The following MBD5 variants were observed in gnomAD, a reference collection of about 807,000 sequenced individuals.
MBD5 encodes the protein methyl-CpG-binding domain protein 5.
In MBD5, 13 loss-of-function variants were observed where a neutral mutation model predicts 117.3. The ratio of observed to expected loss-of-function variants is 0.11; its 90% confidence interval spans 0.07 to 0.18. The LOEUF (loss-of-function observed/expected upper bound fraction) is 0.18. Ranked by LOEUF, MBD5 falls within the 10% of genes least tolerant of loss-of-function variation. The pLI is 1.00. For synonymous variants in MBD5, 727 were observed against 766.4 expected (o/e 0.95, Z 0.85); for missense variants, 1,879 against 2,093.8 (o/e 0.90, Z 2.00).
At chr2:148,051,604 A>AGAGT (rs1553467167) in intron 1 of MBD5, among the ~76,000 whole-genome samples, 1 of 139,156 alleles carries the variant, frequency 7.2e-6, no homozygotes. Context: ...CTGTTTGTTG[A>AGAGT]GTGTGTGTGT....
intron 1 of MBD5, chr2:148,028,001 T>C (rs1001407328): frequency 5.9e-5 from 9 of 152,094 alleles, no homozygotes; most frequent in African/African-American, 1.9e-4. Context: ...TTCTATGTCA[T>C]GTAAGATGTC....
chr2:148,474,948 C>T (rs1278159597), intron 8 of MBD5, among the ~76,000 whole-genome samples: 4 of 152,010 alleles, frequency 2.6e-5, no homozygotes, highest in Non-Finnish European at 5.9e-5. Flanking sequence ...GTTGTCATCC[C>T]TGTTTTTTCT....
At chr2:148,073,087 G>GT (rs891197591) in intron 1 of MBD5, among the ~76,000 whole-genome samples, 4 of 151,984 alleles carry the variant, frequency 2.6e-5, no homozygotes, top group African/African-American at 9.7e-5. Flanking sequence ...AATATTTCAG[G>GT]TTTTTTTGTA....
chr2:148,470,689 T>A, intron 8 of MBD5: 1 of 528,760 alleles, frequency 1.9e-6, no homozygotes. Context: ...GTTGTCAATC[T>A]GTGTCATTTT....
chr2:148,152,408 A>G (rs1054231651), intron 1 of MBD5, among the ~76,000 whole-genome samples: 2 of 152,088 alleles, frequency 1.3e-5, no homozygotes, highest in Admixed American at 6.5e-5. Context: ...AAAAAAGTGT[A>G]TATTCTGTTG....
intron 2 of MBD5, among the ~76,000 whole-genome samples, chr2:148,188,949 C>G (rs897794875): frequency 2.0e-5 from 3 of 151,592 alleles, no homozygotes; most frequent in African/African-American, 7.3e-5. Context: ...ACCTGGGAAG[C>G]GCAAGGGGTC....
intron 3 of MBD5, among the ~76,000 whole-genome samples, chr2:148,249,359 A>G (rs1474633540): frequency 6.6e-6 from 1 of 152,146 alleles, no homozygotes; most frequent in African/African-American, 2.4e-5. Flanking sequence ...CTGCCTACCC[A>G]TAAAAGGGGC....
intron 4 of MBD5, among the ~76,000 whole-genome samples, chr2:148,426,765 C>T (rs1226080333): frequency 6.6e-6 from 1 of 152,096 alleles, no homozygotes; most frequent in Non-Finnish European, 1.5e-5. Context: ...TCTAAAACAC[C>T]AAAAGCAATG....
chr2:148,108,763 G>T, intron 1 of MBD5, among the ~76,000 whole-genome samples: 1 of 152,120 alleles, frequency 6.6e-6, no homozygotes, highest in East Asian at 1.9e-4. Flanking sequence ...TGGTACTCAT[G>T]TTACAGGACA....
At chr2:148,097,034 A>G (rs1416473382) in intron 1 of MBD5, among the ~76,000 whole-genome samples, 1 of 152,180 alleles carries the variant, frequency 6.6e-6, no homozygotes, top group Non-Finnish European at 1.5e-5. Context: ...ATGTCCAAGA[A>G]TAGGGAATAT....
intron 1 of MBD5, among the ~76,000 whole-genome samples, chr2:148,122,169 CA>C (rs1696784996): frequency 6.6e-6 from 1 of 152,126 alleles, no homozygotes; most frequent in Non-Finnish European, 1.5e-5. Flanking sequence ...ACTCCTAATA[CA>C]GAGGTAAAAT....
intron 3 of MBD5, among the ~76,000 whole-genome samples, chr2:148,298,064 G>C (rs1701696401): frequency 6.6e-6 from 1 of 152,154 alleles, no homozygotes; most frequent in African/African-American, 2.4e-5. Flanking sequence ...CTAATCTCTT[G>C]GCTTGCTTCT....
intron 1 of MBD5, among the ~76,000 whole-genome samples, chr2:148,063,685 G>C (rs1218013940): frequency 2.0e-5 from 3 of 151,876 alleles, no homozygotes; most frequent in African/African-American, 4.8e-5. Flanking sequence ...GATCTTAATG[G>C]CCTCTCTATT....
chr2:148,136,852 T>G (rs1164775272), intron 1 of MBD5, among the ~76,000 whole-genome samples: 1 of 151,978 alleles, frequency 6.6e-6, no homozygotes. Context: ...AACCTCCACC[T>G]CCTGGGTTCA....
chr2:148,433,012 A>T (rs1049857306), intron 4 of MBD5, among the ~76,000 whole-genome samples: 8 of 151,800 alleles, frequency 5.3e-5, no homozygotes. Context: ...GGAATTTTTT[A>T]AATTTGTCTG....
chr2:148,509,530 T>C (rs1439005203), intron 12 of MBD5, among the ~76,000 whole-genome samples: 5 of 152,180 alleles, frequency 3.3e-5, no homozygotes, highest in South Asian at 2.1e-4. Flanking sequence ...GCGTCAGAGT[T>C]AAGCTGTTTC....
chr2:148,117,175 C>T (rs981161293), intron 1 of MBD5, among the ~76,000 whole-genome samples: 4 of 151,532 alleles, frequency 2.6e-5, no homozygotes, highest in African/African-American at 9.7e-5. Flanking sequence ...AAGCAATTAC[C>T]CATAAGAGAA....
At chr2:148,365,073 A>G (rs1253266739) in intron 4 of MBD5, among the ~76,000 whole-genome samples, 1 of 152,218 alleles carries the variant, frequency 6.6e-6, no homozygotes, top group African/African-American at 2.4e-5. Flanking sequence ...TCTAAAATTG[A>G]CCACATAATT....
intron 4 of MBD5, among the ~76,000 whole-genome samples, chr2:148,390,824 G>C (rs1194337476): frequency 6.6e-6 from 1 of 152,096 alleles, no homozygotes; most frequent in Non-Finnish European, 1.5e-5. Flanking sequence ...GTCTCCCAAA[G>C]TGCTGGGAAA....
Sources: gnomAD v4.1 joint callset for allele counts (sites outside exome capture counted in the v4.1 genomes callset) on GRCh38, gnomAD v4.1.1 for gene constraint, MANE v1.5 for transcripts, NCBI Gene and HGNC (gene_info 2026-07-23, HGNC 2026-07-21) for gene names.